ADGRL3: variants seen among roughly 807,000 people sequenced by gnomAD.
ADGRL3 encodes adhesion G protein-coupled receptor L3.
ADGRL3 carries 62 observed loss-of-function variants against 153.5 expected under a neutral mutation model. The ratio of observed to expected loss-of-function variants is 0.40; its 90% CI spans 0.33 to 0.50. ADGRL3 has a LOEUF of 0.50. ADGRL3 is among the 20% of genes least tolerant of loss of function. The pLI, the probability that ADGRL3 is intolerant of heterozygous loss-of-function variation, is 0.47. For synonymous variants in ADGRL3, 710 were observed against 672.5 expected (o/e 1.06, Z -0.86); for missense variants, 1,641 against 1,859.4 (o/e 0.88, Z 2.16).
chr4:61,721,045 A>G (rs1453157660), intron 6 of ADGRL3, among the ~76,000 whole-genome samples: 3 of 152,192 alleles, frequency 2.0e-5, no homozygotes, highest in African/African-American at 7.2e-5. Context: ...TTATAGTGTA[A>G]ATGCTAAATA....
At chr4:61,849,624 A>G (rs2098177962) in intron 9 of ADGRL3, among the ~76,000 whole-genome samples, 3 of 152,138 alleles carry the variant, frequency 2.0e-5, no homozygotes, top group Non-Finnish European at 4.4e-5. Flanking sequence ...TCCATTTTAC[A>G]TATAAACTAT....
At chr4:61,863,565 T>TGGACACAAATG in intron 9 of ADGRL3, among the ~76,000 whole-genome samples, 1 of 152,188 alleles carries the variant, frequency 6.6e-6, no homozygotes, top group Non-Finnish European at 1.5e-5. Flanking sequence ...ACTCATTCCA[T>TGGACACAAATG]TCCACCTCTT....
At chr4:61,440,596 G>A (rs982726730) in intron 2 of ADGRL3, among the ~76,000 whole-genome samples, 4 of 152,142 alleles carry the variant, frequency 2.6e-5, no homozygotes, top group Non-Finnish European at 4.4e-5. Context: ...ACATGATTGA[G>A]TGTGATTTTT....
intron 5 of ADGRL3, among the ~76,000 whole-genome samples, chr4:61,592,325 G>A (rs1162278428): frequency 6.6e-6 from 1 of 152,038 alleles, no homozygotes; most frequent in East Asian, 1.9e-4. Flanking sequence ...GAGTTATTCC[G>A]CTCAAGTATT....
intron 17 of ADGRL3, among the ~76,000 whole-genome samples, chr4:61,970,942 CG>C (rs1370061886): frequency 6.6e-6 from 1 of 151,886 alleles, no homozygotes; most frequent in Non-Finnish European, 1.5e-5. Flanking sequence ...GTTCATGCCA[CG>C]TTTATCCGAA....
chr4:61,588,582 A>G (rs2098956374), intron 5 of ADGRL3, among the ~76,000 whole-genome samples: 1 of 152,008 alleles, frequency 6.6e-6, no homozygotes, highest in Non-Finnish European at 1.5e-5. Flanking sequence ...TTATTTGTCT[A>G]TTACTAAAAT....
chr4:61,510,724 A>G (rs963889232), intron 3 of ADGRL3, among the ~76,000 whole-genome samples: 2 of 152,070 alleles, frequency 1.3e-5, no homozygotes, highest in African/African-American at 4.8e-5. Context: ...TTTGCTGAGG[A>G]TTGCTTTGGC....
At chr4:61,999,499 G>T (rs1193629821) in intron 21 of ADGRL3, among the ~76,000 whole-genome samples, 1 of 152,096 alleles carries the variant, frequency 6.6e-6, no homozygotes, top group Non-Finnish European at 1.5e-5. Context: ...ATATTAAATT[G>T]CATTTTCATA....
At chr4:61,590,560 A>G (rs955520231) in intron 5 of ADGRL3, among the ~76,000 whole-genome samples, 4 of 152,146 alleles carry the variant, frequency 2.6e-5, no homozygotes, top group African/African-American at 9.6e-5. Context: ...GCAGTTTACC[A>G]TAACAGTTAC....
In ADGRL3 at chr4:61,396,308, T is replaced by C. The variant is rs149162971; in HGVS notation, c.-174+13119T>C. Among the ~76,000 whole-genome samples, 272 of 152,076 alleles carry C rather than the reference T, an allele frequency of 1.8e-3. 2 individuals are homozygous for C. The highest frequency in any genetic ancestry group is 6.3e-3 in the African/African-American group (263 of 41,554). ...TATATTTAGAATGCAAACTAAGTTA[T>C]AATGTTGGCCCATTTCTGTCATTAC... On this transcript the variant is annotated intron_variant, in intron 2 of 26. Transcript: ENST00000683033.
intron 2 of ADGRL3, among the ~76,000 whole-genome samples, chr4:61,431,476 A>G (rs1644714215): frequency 6.6e-6 from 1 of 152,194 alleles, no homozygotes; most frequent in Non-Finnish European, 1.5e-5. Context: ...GTTCCAGGTG[A>G]CTAGACCTGT....
chr4:61,928,749 A>G (rs1210802675), intron 13 of ADGRL3, among the ~76,000 whole-genome samples: 1 of 152,134 alleles, frequency 6.6e-6, no homozygotes, highest in Non-Finnish European at 1.5e-5. Context: ...CTCCCTCCCA[A>G]ATCATGGTGA....
At chr4:61,328,218 A>G (rs1173315200) in intron 1 of ADGRL3, among the ~76,000 whole-genome samples, 4 of 152,208 alleles carry the variant, frequency 2.6e-5, no homozygotes, top group Admixed American at 6.5e-5. Flanking sequence ...ACCCCAATGT[A>G]GAGCTTGAGT....
At chr4:61,302,059 G>A (rs932067626) in intron 1 of ADGRL3, among the ~76,000 whole-genome samples, 2 of 152,158 alleles carry the variant, frequency 1.3e-5, no homozygotes, top group Non-Finnish European at 2.9e-5. Context: ...ATAATCCCTG[G>A]TCTCAAGAAG....
At chr4:61,437,595 C>G (rs2097464641) in intron 2 of ADGRL3, among the ~76,000 whole-genome samples, 1 of 152,144 alleles carries the variant, frequency 6.6e-6, no homozygotes, top group Non-Finnish European at 1.5e-5. Context: ...CTCTCATCTG[C>G]CACTTTCAAG....
intron 8 of ADGRL3, among the ~76,000 whole-genome samples, chr4:61,793,689 A>C (rs2097371773): frequency 6.6e-6 from 1 of 151,588 alleles, no homozygotes; most frequent in Non-Finnish European, 1.5e-5. Context: ...CCTTATTCCC[A>C]CTCTCAGCCT....
At chr4:61,325,786 T>G (rs1340509976) in intron 1 of ADGRL3, among the ~76,000 whole-genome samples, 1 of 152,176 alleles carries the variant, frequency 6.6e-6, no homozygotes, top group Non-Finnish European at 1.5e-5. Flanking sequence ...GTAATCAAAT[T>G]ATTGTCATTT....
chr4:61,850,936 A>G (rs17090551), intron 9 of ADGRL3, among the ~76,000 whole-genome samples: 10,664 of 152,218 alleles, frequency 0.07, 720 homozygotes, highest in African/African-American at 0.17. Context: ...CCCAAATGCA[A>G]TCATCTTCCC....
In ADGRL3 at chr4:61,599,625, G is replaced by A. The variant is rs147341897; in HGVS notation, c.473+12185G>A. ...TGAGATTACAGGCATGAGCCATTGC[G>A]CCTGGCCTAGATAATTTCTTTATGG... On this transcript the variant is annotated intron_variant, in intron 5 of 26. Coordinates refer to ENST00000683033, the MANE Select transcript of ADGRL3 (RefSeq NM_001387552.1). 3.7e-3 allele frequency among the ~76,000 whole-genome samples: 561 copies of A among 152,238 alleles called. 1 individual carries two copies. The highest frequency in any genetic ancestry group is 6.3e-3 in the Non-Finnish European group (427 of 68,014).
Sources: gnomAD v4.1 joint callset for allele counts (sites outside exome capture counted in the v4.1 genomes callset) on GRCh38, gnomAD v4.1.1 for gene constraint, MANE v1.5 for transcripts, NCBI Gene and HGNC (gene_info 2026-07-23, HGNC 2026-07-21) for gene names.